The following JAM2 variants were observed in gnomAD, a reference collection of about 807,000 sequenced individuals.
The protein encoded by JAM2 is junctional adhesion molecule B.
JAM2 carries 17 observed loss-of-function variants against 42.0 expected under a neutral mutation model. That is an observed-to-expected ratio of 0.40 (90% confidence interval 0.28 to 0.61). The LOEUF is 0.61. JAM2 is among the 20% of genes least tolerant of loss of function. JAM2 has a pLI of 0.37. For synonymous variants in JAM2, 118 were observed against 128.6 expected (o/e 0.92, Z 0.56); for missense variants, 319 against 358.3 (o/e 0.89, Z 0.89).
chr21:25,699,761 G>T (rs1270808512), intron 5 of JAM2, among the ~76,000 whole-genome samples: 1 of 140,346 alleles, frequency 7.1e-6, no homozygotes, highest in Non-Finnish European at 1.5e-5. Context: ...AAAAATGCAT[G>T]CTGCCTTCTT....
chr21:25,691,056 A>G (rs763485890), intron 3 of JAM2, among the ~76,000 whole-genome samples: 15 of 152,184 alleles, frequency 9.9e-5, no homozygotes, highest in Non-Finnish European at 1.9e-4. Context: ...AATTCACTTC[A>G]CTTTCTAATG....
intron 3 of JAM2, 49 bp downstream of exon 3, chr21:25,690,022 C>A: frequency 9.0e-7 from 1 of 1,112,690 alleles, no homozygotes; most frequent in Non-Finnish European, 1.4e-6. Context: ...ATGCCAAGTA[C>A]AACCAGGATC....
Position 25,693,853 on chromosome 21 carries a change from C to A in JAM2, c.339C>A (p.Ala113=), listed in dbSNP as rs757243596. ...DAGKYRCEVS[A]PSEQGQNLEE... ...GGAAATATCGTTGTGAAGTTAGTGC[C>A]CCATCTGAGCAAGGCCAAAACCTGG... The change falls in exon 4 of 10, where the codon GCC becomes GCA. Residue 113 remains alanine, a synonymous_variant. Coordinates refer to ENST00000480456, the MANE Select transcript of JAM2 (RefSeq NM_021219.4). 6.2e-7 allele frequency: 1 copy of A among 1,614,034 alleles called. No individual in the cohort carries two copies. The highest frequency in any genetic ancestry group is 1.1e-5 in the South Asian group (1 of 91,062).
intron 1 of JAM2, among the ~76,000 whole-genome samples, chr21:25,648,210 C>CAA (rs59902984): frequency 6.8e-6 from 1 of 147,102 alleles, no homozygotes; most frequent in African/African-American, 2.5e-5. Context: ...GATTCTGTCT[C>CAA]AAAAAAAAAA....
intron 1 of JAM2, chr21:25,644,208 G>A (rs1236406483): frequency 6.6e-6 from 1 of 152,144 alleles, no homozygotes; most frequent in African/African-American, 2.4e-5. Flanking sequence ...TGTTAACAAG[G>A]CTAGAACTCA....
At position 25,693,807 on chromosome 21, in the gene JAM2, A is replaced by G. The variant is rs770863019; in HGVS notation, c.293A>G (p.Asn98Ser). 2.5e-6 allele frequency: 4 copies of G among 1,614,206 alleles called. No homozygotes were observed. The South Asian group carries it at 4.4e-5, about 18-fold the overall frequency. Residue 98 changes from asparagine (N) to serine (S), a missense_variant, in exon 4 of 10, where the codon AAT becomes AGT. Physicochemically the swap from Asn to Ser is conservative, Grantham distance 46. Coordinates refer to ENST00000480456, the MANE Select transcript of JAM2 (RefSeq NM_021219.4). ...ATAGATTTCAATATCCGGATCAAAA[A>G]TGTGACAAGAAGTGATGCGGGGAAA... ...EMIDFNIRIK[N>S]VTRSDAGKYR...
At chr21:25,650,304 G>C (rs1021313673) in intron 1 of JAM2, among the ~76,000 whole-genome samples, 1 of 152,200 alleles carries the variant, frequency 6.6e-6, no homozygotes, top group Non-Finnish European at 1.5e-5. Context: ...AGTAACTGCA[G>C]TTTTAGCCGT....
intron 2 of JAM2, among the ~76,000 whole-genome samples, chr21:25,687,464 G>T (rs918179117): frequency 3.3e-5 from 5 of 152,156 alleles, no homozygotes; most frequent in Admixed American, 3.3e-4. Context: ...AAATTATGCT[G>T]GCATAAGTAC....
At chr21:25,710,226 G>A (rs940600594) in intron 8 of JAM2, 1 of 152,108 alleles carries the variant, frequency 6.6e-6, no homozygotes, top group African/African-American at 2.4e-5. Context: ...TAAAATTTTA[G>A]TTAACAGTCA....
intron 4 of JAM2, among the ~76,000 whole-genome samples, chr21:25,696,339 T>TACA (rs1307970500): frequency 6.6e-6 from 1 of 151,830 alleles, no homozygotes; most frequent in Non-Finnish European, 1.5e-5. Context: ...ATGGCAGCAG[T>TACA]ACAGTCCAGC....
At chr21:25,696,342 A>G (rs141619438) in intron 4 of JAM2, among the ~76,000 whole-genome samples, 1 of 152,174 alleles carries the variant, frequency 6.6e-6, no homozygotes, top group Non-Finnish European at 1.5e-5. Context: ...GCAGCAGTAC[A>G]GTCCAGCTTC....
At chr21:25,696,215 G>A (rs967273924) in intron 4 of JAM2, among the ~76,000 whole-genome samples, 4 of 152,172 alleles carry the variant, frequency 2.6e-5, no homozygotes, top group Non-Finnish European at 4.4e-5. Flanking sequence ...GCGAAACCCC[G>A]TCTCCACCAA....
At chr21:25,679,186 A>T (rs1385556239) in intron 1 of JAM2, among the ~76,000 whole-genome samples, 2 of 152,254 alleles carry the variant, frequency 1.3e-5, no homozygotes, top group East Asian at 3.8e-4. Context: ...ACAATGGAAG[A>T]CTAATTTACA....
intron 4 of JAM2, among the ~76,000 whole-genome samples, chr21:25,697,712 G>C (rs2034068488): frequency 6.6e-6 from 1 of 151,998 alleles, no homozygotes; most frequent in African/African-American, 2.4e-5. Context: ...GACTAGCCTG[G>C]GCAACATAGT....
chr21:25,662,971 A>G (rs2033127768), intron 1 of JAM2, among the ~76,000 whole-genome samples: 1 of 152,238 alleles, frequency 6.6e-6, no homozygotes, highest in Non-Finnish European at 1.5e-5. Flanking sequence ...AAAAAGTACT[A>G]TGTCAGATAG....
intron 2 of JAM2, among the ~76,000 whole-genome samples, chr21:25,686,313 G>A (rs2033750530): frequency 6.6e-6 from 1 of 152,090 alleles, no homozygotes; most frequent in Admixed American, 6.5e-5. Context: ...TATTGTATAT[G>A]TGTCTCCATC....
intron 1 of JAM2, among the ~76,000 whole-genome samples, chr21:25,681,383 G>A (rs1481337254): frequency 6.6e-6 from 1 of 152,168 alleles, no homozygotes; most frequent in Non-Finnish European, 1.5e-5. Flanking sequence ...AGAAGGGGAA[G>A]CAAATACATC....
rs1039821174 is a variant in JAM2 at position 25,699,600 on chromosome 21, G to A, written c.597+721G>A. On this transcript the variant is annotated intron_variant, in intron 5 of 9. Coordinates refer to ENST00000480456, the MANE Select transcript of JAM2 (RefSeq NM_021219.4). ...TAGCCGGGCGTGGTGGCGGGCGCCTGTAGTCCCAGCTACTCGGGAGGCTGA... is the reference window on the plus strand; with the variant it reads ...TAGCCGGGCGTGGTGGCGGGCGCCTATAGTCCCAGCTACTCGGGAGGCTGA... 4.6e-5 allele frequency among the ~76,000 whole-genome samples: 7 copies of A among 151,986 alleles called. No individual in the cohort carries two copies. In the South Asian group the frequency reaches 1.0e-3, roughly 23 times the overall value.
chr21:25,682,391 G>T (rs971922867), intron 1 of JAM2, among the ~76,000 whole-genome samples: 1 of 152,202 alleles, frequency 6.6e-6, no homozygotes, highest in Admixed American at 6.5e-5. Flanking sequence ...AGGTTATTTT[G>T]AATATTGAAT....
Sources: allele counts gnomAD v4.1 joint callset (sites outside exome capture counted in the v4.1 genomes callset), GRCh38; gene constraint gnomAD v4.1.1; transcripts MANE v1.5; gene names NCBI Gene and HGNC (gene_info 2026-07-23, HGNC 2026-07-21).